TTC7B: variants seen among roughly 807,000 people sequenced by gnomAD.
The protein encoded by TTC7B is tetratricopeptide repeat domain 7B, also known as tetratricopeptide repeat protein 7B.
A neutral mutation model predicts 106.8 loss-of-function variants in TTC7B; 28 were observed. The ratio of observed to expected loss-of-function variants is 0.26; its 90% CI spans 0.19 to 0.36. TTC7B has a LOEUF of 0.36. Ranked by LOEUF, TTC7B falls within the 10% of genes least tolerant of loss-of-function variation. TTC7B has a pLI of 1.00. For synonymous variants in TTC7B, 405 were observed against 430.6 expected, an observed-to-expected ratio of 0.94 and a Z score of 0.74; for missense variants, 862 against 1,076.4, an observed-to-expected ratio of 0.80 and a Z score of 2.79.
intron 5 of TTC7B, among the ~76,000 whole-genome samples, chr14:90,715,035 T>C (rs1888601122): frequency 6.6e-6 from 1 of 152,202 alleles, no homozygotes. Flanking sequence ...CAGAAGGGCC[T>C]GACTGCTCTG....
At chr14:90,660,127 G>A (rs1432132364) in intron 9 of TTC7B, among the ~76,000 whole-genome samples, 2 of 152,006 alleles carry the variant, frequency 1.3e-5, no homozygotes, top group Admixed American at 6.6e-5. Context: ...GCTCACACCT[G>A]TAATCTCAGC....
intron 18 of TTC7B, among the ~76,000 whole-genome samples, chr14:90,584,788 AAG>A (rs1437186093): frequency 6.6e-6 from 1 of 151,916 alleles, no homozygotes; most frequent in African/African-American, 2.4e-5. Context: ...TGCCTCCCTA[AAG>A]AGAGATGCTG....
chr14:90,591,568 G>C (rs1364006076), intron 18 of TTC7B, among the ~76,000 whole-genome samples: 1 of 152,312 alleles, frequency 6.6e-6, no homozygotes, highest in Non-Finnish European at 1.5e-5. Flanking sequence ...ACAAGCAAGA[G>C]AAGCACCACC....
intron 3 of TTC7B, among the ~76,000 whole-genome samples, chr14:90,777,858 C>G (rs1346846340): frequency 1.3e-5 from 2 of 152,230 alleles, no homozygotes; most frequent in Non-Finnish European, 2.9e-5. Context: ...ACCCAACACT[C>G]AGCTTCAGCT....
chr14:90,649,295 A>C (rs1380376632), intron 13 of TTC7B, among the ~76,000 whole-genome samples: 1 of 152,284 alleles, frequency 6.6e-6, no homozygotes. Context: ...CCTCTGAAGG[A>C]AATAAGGCAA....
intron 4 of TTC7B, among the ~76,000 whole-genome samples, chr14:90,744,001 G>A (rs1045437036): frequency 2.0e-5 from 3 of 152,156 alleles, no homozygotes; most frequent in Non-Finnish European, 4.4e-5. Flanking sequence ...CACCACAGGC[G>A]AAGCACTGAA....
At chr14:90,804,576 G>A (rs980605882) in intron 1 of TTC7B, among the ~76,000 whole-genome samples, 3 of 152,206 alleles carry the variant, frequency 2.0e-5, no homozygotes, top group African/African-American at 7.2e-5. Flanking sequence ...GTGCGGTGGA[G>A]CAGAGGCTAG....
intron 7 of TTC7B, among the ~76,000 whole-genome samples, chr14:90,688,022 G>A (rs1456743965): frequency 1.3e-5 from 2 of 152,226 alleles, no homozygotes; most frequent in Non-Finnish European, 2.9e-5. Flanking sequence ...TGGAGAAAGC[G>A]TGTAGTCACG....
chr14:90,757,591 A>C lies in TTC7B; in HGVS notation c.446-12669T>G, dbSNP rs1890345296. ...CACATGGGCAAATCCTGATCCAATG[A>C]GCTTACTACCACAGCAGGTCCACAG... On this transcript the variant is annotated intron_variant, in intron 3 of 19. Coordinates refer to ENST00000328459, the MANE Select transcript of TTC7B (RefSeq NM_001010854.2). This position sits in a 1 kb window ranked among gnomAD's most constrained non-coding sequence, Gnocchi z 4.1. 6.6e-6 allele frequency among the ~76,000 whole-genome samples: 1 copy of C among 152,200 alleles called. No individual in the cohort carries two copies. Among genetic ancestry groups the C allele is most frequent in the Non-Finnish European group, 1.5e-5 (1 of 68,030 alleles).
At chr14:90,730,330 G>T in intron 4 of TTC7B, 134 bp from the exon 5 acceptor site, 1 of 1,028,500 alleles carries the variant, frequency 9.7e-7, no homozygotes, top group Non-Finnish European at 1.3e-6. Flanking sequence ...AGGCACAGGT[G>T]TAGAAGTGCA....
intron 5 of TTC7B, among the ~76,000 whole-genome samples, chr14:90,701,766 A>T (rs1887997292): frequency 6.9e-6 from 1 of 144,394 alleles, no homozygotes; most frequent in Non-Finnish European, 1.5e-5. Context: ...GTGTGTATAT[A>T]TGTGTATATA....
At chr14:90,655,243 C>T (rs1885898547) in intron 11 of TTC7B, 133 bp from the exon 12 acceptor site, 5 of 682,838 alleles carry the variant, frequency 7.3e-6, no homozygotes, top group Non-Finnish European at 1.3e-5. Flanking sequence ...CCCAATCCCA[C>T]TCTGGTGATT....
chr14:90,553,220 T>C lies in TTC7B; in HGVS notation c.2311-11631A>G, dbSNP rs139233216. The stretch of plus-strand genomic sequence containing the variant: ...ACCTCTGCTCACCCGGAACAGCTGA[T>C]GGCGGCAGGGGCTGCGCTATCATGG... On this transcript the variant is annotated intron_variant, in intron 19 of 19. Coordinates refer to ENST00000328459, the MANE Select transcript of TTC7B (RefSeq NM_001010854.2). 2.7e-3 allele frequency among the ~76,000 whole-genome samples: 413 copies of C among 152,338 alleles called. 3 individuals carry two copies. The highest frequency in any genetic ancestry group is 9.4e-3 in the African/African-American group (391 of 41,590).
chr14:90,736,586 G>C (rs1240741647), intron 4 of TTC7B, among the ~76,000 whole-genome samples: 1 of 151,296 alleles, frequency 6.6e-6, no homozygotes, highest in Non-Finnish European at 1.5e-5. Flanking sequence ...AAAAAAGGGG[G>C]GGTGGGTAGG....
chr14:90,585,321 C>A (rs984945475), intron 18 of TTC7B, among the ~76,000 whole-genome samples: 2 of 152,258 alleles, frequency 1.3e-5, no homozygotes, highest in African/African-American at 4.8e-5. Flanking sequence ...GTGACAGGCG[C>A]TAGCCCTTCC....
rs1286560960 is a variant in TTC7B at position 90,578,408 on chromosome 14, G to T, written c.2108-100C>A. ...TTCGTGTTCCCTGCACGGGAGTCTG[G>T]CGGGGCGCAGAGCCAGCTGATCCCT... On this transcript the variant is annotated intron_variant, in intron 18 of 19. Transcript: ENST00000328459. The surrounding 1 kb of genome is among the most constrained non-coding windows in gnomAD (Gnocchi z 4.7). The T allele has an allele frequency of 7.9e-7, 1 of 1,273,108 alleles. No individual in the cohort carries two copies. Among genetic ancestry groups the T allele is most frequent in the Non-Finnish European group, 1.1e-6 (1 of 903,646 alleles). 78.9% of individuals were successfully genotyped at this position (1,273,108 alleles called of 1,614,324 possible). A position where few individuals can be genotyped will look rare whatever the true frequency, so the allele number is the denominator to read the frequency against.
intron 3 of TTC7B, among the ~76,000 whole-genome samples, chr14:90,773,315 A>G (rs1391537339): frequency 6.6e-6 from 1 of 152,252 alleles, no homozygotes; most frequent in East Asian, 1.9e-4. Flanking sequence ...ACAGAACACA[A>G]TCAAGGCTAA....
At chr14:90,766,954 C>A (rs1595359997) in intron 3 of TTC7B, 1 of 1,471,028 alleles carries the variant, frequency 6.8e-7, no homozygotes, top group East Asian at 2.3e-5. Flanking sequence ...CACTGGCCGC[C>A]ATGGCCGCAC....
intron 2 of TTC7B, 38 bp from the exon 3 acceptor site, chr14:90,780,944 C>A: frequency 1.3e-6 from 2 of 1,592,898 alleles, no homozygotes; most frequent in Non-Finnish European, 1.7e-6. Context: ...CATTTTCCTA[C>A]AATATCAGGC....
Sources: allele counts gnomAD v4.1 joint callset (sites outside exome capture counted in the v4.1 genomes callset), GRCh38; gene constraint gnomAD v4.1.1; non-coding constraint Gnocchi (gnomAD v3.1); transcripts MANE v1.5; gene names NCBI Gene and HGNC (gene_info 2026-07-23, HGNC 2026-07-21).